Variants in RIOK1 observed in about 807,000 individuals in gnomAD.
RIOK1 encodes RIO kinase 1.
RIOK1 carries 66 observed loss-of-function variants against 73.5 expected under a neutral mutation model. The ratio of observed to expected loss-of-function variants is 0.90; its 90% CI spans 0.74 to 1.10. RIOK1 has a LOEUF of 1.10. Ranked by LOEUF, RIOK1 falls within the 50% of genes least tolerant of loss-of-function variation. The probability of loss-of-function intolerance (pLI) is 0.00; values close to 1 mark genes in which losing one functional copy is unlikely to be tolerated. For missense variants in RIOK1, 658 were observed against 699.8 expected (o/e 0.94, Z 0.67); for synonymous variants, 224 against 226.8 (o/e 0.99, Z 0.11).
At chr6:7,405,213 C>A in intron 11 of RIOK1, 36 bp from the exon 12 acceptor site, 1 of 1,355,060 alleles carries the variant, frequency 7.4e-7, no homozygotes, top group Non-Finnish European at 1.1e-6. Context: ...TATTTTTCCT[C>A]ATAAAAGCTG....
intron 16 of RIOK1, among the ~76,000 whole-genome samples, 174 bp from the exon 17 acceptor site, chr6:7,417,157 G>A (rs1223738480): frequency 6.7e-6 from 1 of 148,864 alleles, no homozygotes; most frequent in Non-Finnish European, 1.5e-5. Context: ...AGGCTGAGGT[G>A]GGAGGATTGC....
In RIOK1 at chr6:7,393,340, C is replaced by T. The variant is rs761866991; in HGVS notation, c.276+37C>T. 9.8e-6 allele frequency: 15 copies of T among 1,524,728 alleles called. No homozygotes were observed. In the African/African-American group the frequency reaches 1.6e-4, roughly 17 times the overall value. The allele number at this position is 1,524,728 out of a possible 1,614,324, so 94.4% of individuals were successfully genotyped here. A position where few individuals can be genotyped will look rare whatever the true frequency, so the allele number is the denominator to read the frequency against. On this transcript the variant is annotated intron_variant, in intron 2 of 16. Transcript: ENST00000379834. ...AGGATCCTGCACATCTTTATGTAGT[C>T]TGCTTATGTCTACTTTTTTAAAAGG...
chr6:7,414,370 G>T lies in RIOK1; in HGVS notation c.1576G>T (p.Asp526Tyr). ...DHARPKKHTT[D>Y]PDIDKKERKK... ...TGCCCGCCCCAAGAAACACACCACG[G>T]ACCCTGACATTGATAAAAAAGTAAG... The change falls in exon 16 of 17, where the codon GAC (aspartate) becomes TAC (tyrosine). Residue 526 changes from aspartate (D) to tyrosine (Y), a missense_variant. Asp to Tyr is a radical substitution (Grantham distance 160, BLOSUM62 -3). Coordinates refer to ENST00000379834, the MANE Select transcript of RIOK1 (RefSeq NM_031480.3). 1 of 1,606,966 alleles carries T rather than the reference G, an allele frequency of 6.2e-7. No homozygotes were observed. The highest frequency in any genetic ancestry group is 8.5e-7 in the Non-Finnish European group (1 of 1,178,222).
intron 5 of RIOK1, among the ~76,000 whole-genome samples, chr6:7,399,670 C>T (rs1581714070): frequency 6.6e-6 from 1 of 152,278 alleles, no homozygotes; most frequent in East Asian, 1.9e-4. Context: ...TTTGTTACTT[C>T]TTCCTATGCC....
At position 7,389,885 on chromosome 6, in the gene RIOK1, T is replaced by A; in HGVS notation, c.-118T>A. 1 of 747,690 alleles carries A rather than the reference T, an allele frequency of 1.3e-6. No individual in the cohort carries two copies. The highest frequency in any genetic ancestry group is 2.9e-5 in the East Asian group (1 of 34,812). 46.3% of individuals were successfully genotyped at this position (747,690 alleles called of 1,614,324 possible). ...TCGCACGTGGTGGCCACTGTTGGCT[T>A]CTGAATGGTTTGCAAGGCGGATATC... is the stretch of plus-strand genomic sequence containing the variant. On this transcript the variant is annotated 5_prime_UTR_variant, in exon 1 of 17. Coordinates refer to ENST00000379834, the MANE Select transcript of RIOK1 (RefSeq NM_031480.3).
At chr6:7,404,345 G>T in intron 9 of RIOK1, 73 bp from the exon 10 acceptor site, 1 of 1,520,410 alleles carries the variant, frequency 6.6e-7, no homozygotes, top group South Asian at 1.2e-5. Flanking sequence ...TAGAAGAGAA[G>T]GGCATGTAAC....
intron 16 of RIOK1, among the ~76,000 whole-genome samples, 177 bp downstream of exon 16, chr6:7,414,567 G>A (rs551145432): frequency 2.0e-5 from 3 of 152,268 alleles, no homozygotes; most frequent in African/African-American, 7.2e-5. Context: ...ATTATCTTGA[G>A]ATTGGGCTGC....
chr6:7,391,963 T>A (rs1581708874), intron 1 of RIOK1, among the ~76,000 whole-genome samples: 1 of 152,192 alleles, frequency 6.6e-6, no homozygotes, highest in Non-Finnish European at 1.5e-5. Context: ...ATTAATAAAT[T>A]GGGATTGATA....
rs763388565 is a variant in RIOK1 at position 7,414,384 on chromosome 6, T to C, written c.1590T>C (p.Asp530=). 7.5e-6 allele frequency: 12 copies of C among 1,599,084 alleles called. No homozygotes were observed. In the East Asian group the frequency reaches 2.7e-4, roughly 36 times the overall value. The change falls in exon 16 of 17, where the codon GAT becomes GAC. Residue 530 remains aspartate, a synonymous_variant. Coordinates refer to ENST00000379834, the MANE Select transcript of RIOK1 (RefSeq NM_031480.3). The stretch of plus-strand genomic sequence containing the variant: ...AACACACCACGGACCCTGACATTGA[T>C]AAAAAAGTAAGCAATGAAATACCTT... ...PKKHTTDPDI[D]KKERKKMVKE... is the part of the protein sequence containing the mutation.
At chr6:7,396,892 G>GGGGTGTGTGTGTGTGTGTGTGT in intron 4 of RIOK1, 120 bp downstream of exon 4, 1 of 415,786 alleles carries the variant, frequency 2.4e-6, no homozygotes, top group Non-Finnish European at 4.3e-6. Flanking sequence ...TCATTATTTT[G>GGGGTGTGTGTGTGTGTGTGTGT]GTGTGTGTGT....
At position 7,404,961 on chromosome 6, in the gene RIOK1, G is replaced by C; in HGVS notation, c.1036G>C (p.Val346Leu). 1 of 1,614,148 alleles carries C rather than the reference G, an allele frequency of 6.2e-7. No individual in the cohort carries two copies. The highest frequency in any genetic ancestry group is 8.5e-7 in the Non-Finnish European group (1 of 1,179,998). The change falls in exon 11 of 17, where the codon GTG (valine) becomes CTG (leucine). Residue 346 changes from valine (V) to leucine (L), a missense_variant. Physicochemically the swap from Val to Leu is conservative, Grantham distance 32 (BLOSUM62 1). Coordinates refer to ENST00000379834, the MANE Select transcript of RIOK1 (RefSeq NM_031480.3). ...GTATATCATTGACGTGTCTCAGTCC[G>C]TGGAGCACGACCACCCACATGCCTT... ...GVYIIDVSQS[V>L]EHDHPHALEF... is the part of the protein sequence containing the mutation.
chr6:7,396,591 C>T, intron 3 of RIOK1, 112 bp from the exon 4 acceptor site: 1 of 587,524 alleles, frequency 1.7e-6, no homozygotes, highest in Non-Finnish European at 3.1e-6. Context: ...TACAATAAAA[C>T]ATTTAGAAAG....
chr6:7,417,426 G>A lies in RIOK1; in HGVS notation c.1692G>A (p.Thr564=), dbSNP rs780014842. 19 of 1,546,264 alleles carry A rather than the reference G, an allele frequency of 1.2e-5. No individual in the cohort carries two copies. Among genetic ancestry groups the A allele is most frequent in the East Asian group, 2.3e-5 (1 of 43,846 alleles). The part of the protein sequence containing the change: ...VKKRKEKTAK[T]KKGK ...AAAGAAAGGAGAAGACAGCCAAGACGAAAAAAGGCAAATAGAATGAGAACC... is the reference window on the plus strand; with the variant it reads ...AAAGAAAGGAGAAGACAGCCAAGACAAAAAAAGGCAAATAGAATGAGAACC... Residue 564 remains threonine (T), a synonymous_variant, in exon 17 of 17, where the codon ACG becomes ACA. Transcript: ENST00000379834.
rs369058107 is a variant in RIOK1 at position 7,396,726 on chromosome 6, G to A, written c.391G>A (p.Val131Ile). 5.3e-5 allele frequency: 84 copies of A among 1,599,180 alleles called. 1 individual carries two copies. Among genetic ancestry groups the A allele is most frequent in the African/African-American group, 4.8e-4 (36 of 74,590 alleles). Residue 131 changes from valine (V) to isoleucine (I), a missense_variant, in exon 4 of 17, where the codon GTC becomes ATC. Coordinates refer to ENST00000379834, the MANE Select transcript of RIOK1 (RefSeq NM_031480.3). ...AGATAAGCTAAATGTTACTGATTCC[G>A]TCATAAATAAAGTCACCGAAAAGTC... ...NLDKLNVTDS[V>I]INKVTEKSRQ...
At position 7,417,416 on chromosome 6, in the gene RIOK1, C is replaced by G. The variant is rs1295933426; in HGVS notation, c.1682C>G (p.Thr561Arg). The change falls in exon 17 of 17, where the codon ACA becomes AGA. Residue 561 changes from threonine to arginine, a missense_variant. Physicochemically the swap from Thr to Arg is moderately conservative, Grantham distance 71. Transcript: ENST00000379834. ...PKHVKKRKEK[T>R]AKTKKGK ...CATGTGAAAAAAAGAAAGGAGAAGACAGCCAAGACGAAAAAAGGCAAATAG... is the reference window on the plus strand; with the variant it reads ...CATGTGAAAAAAAGAAAGGAGAAGAGAGCCAAGACGAAAAAAGGCAAATAG... 2 of 1,562,378 alleles carry G rather than the reference C, an allele frequency of 1.3e-6. No homozygotes were observed. The highest frequency in any genetic ancestry group is 2.0e-5 in the Admixed American group (1 of 50,552).
At position 7,404,328 on chromosome 6, in the gene RIOK1, T is replaced by A. The variant is rs1435730819; in HGVS notation, c.855-90T>A. On this transcript the variant is annotated intron_variant, in intron 9 of 16. Transcript: ENST00000379834. ...ATTGTCCCACATACAGCTCACATGA[T>A]GAGTTGTAGAAGAGAAGGGCATGTA... 3 of 1,413,940 alleles carry A rather than the reference T, an allele frequency of 2.1e-6. No homozygotes were observed. The Admixed American group carries it at 5.5e-5, about 26-fold the overall frequency. The allele number at this position is 1,413,940 out of a possible 1,614,324, so 87.6% of individuals were successfully genotyped here.
intron 8 of RIOK1, 120 bp from the exon 9 acceptor site, chr6:7,403,821 A>G: frequency 1.6e-6 from 1 of 632,986 alleles, no homozygotes; most frequent in South Asian, 1.8e-5. Context: ...ATTATAATAC[A>G]TTTGAGAGGC....
intron 12 of RIOK1, among the ~76,000 whole-genome samples, chr6:7,409,557 G>T (rs999781535): frequency 2.0e-5 from 3 of 151,816 alleles, no homozygotes; most frequent in Non-Finnish European, 4.4e-5. Context: ...CCAAAGTGCT[G>T]GGATTACAGG....
At chr6:7,416,739 G>C (rs995311162) in intron 16 of RIOK1, among the ~76,000 whole-genome samples, 4 of 151,802 alleles carry the variant, frequency 2.6e-5, no homozygotes, top group Non-Finnish European at 5.9e-5. Flanking sequence ...AGGATTGCTT[G>C]AGCCCAGGAG....
Sources: allele counts gnomAD v4.1 joint callset (sites outside exome capture counted in the v4.1 genomes callset), GRCh38; gene constraint gnomAD v4.1.1; transcripts MANE v1.5; gene names NCBI Gene and HGNC (gene_info 2026-07-23, HGNC 2026-07-21).